The following SMARCC1 variants were observed in gnomAD, a reference collection of about 807,000 sequenced individuals.
SMARCC1 encodes SWI/SNF related BAF chromatin remodeling complex subunit C1, also known as SWI/SNF complex subunit SMARCC1.
SMARCC1 carries 43 observed loss-of-function variants against 147.4 expected under a neutral mutation model. The observed-to-expected ratio is 0.29, with a 90% CI of 0.23 to 0.38. The LOEUF is 0.38. Ranked by LOEUF, SMARCC1 falls within the 10% of genes least tolerant of loss-of-function variation. The pLI is 1.00. For missense variants in SMARCC1, 1,119 were observed against 1,381.1 expected (o/e 0.81, Z 3.01); for synonymous variants, 495 against 484.4 (o/e 1.02, Z -0.29).
chr3:47,740,850 CAAAAAAA>C (rs60339024), intron 3 of SMARCC1, among the ~76,000 whole-genome samples: 6,331 of 77,842 alleles, frequency 0.081, 443 homozygotes, highest in African/African-American at 0.24. Flanking sequence ...GACTCTGACT[CAAAAAAA>C]AAAAAAAAAA....
In SMARCC1 at chr3:47,768,766, AAC is replaced by A. The variant is rs936813042; in HGVS notation, c.315+4049_315+4050del. ...CAAATTTTTCACACATAAAATACATAACACACACACATCCCACAGAAAATGAT... is the reference window on the plus strand; with the variant it reads ...CAAATTTTTCACACATAAAATACATAACACACACATCCCACAGAAAATGAT... On this transcript the variant is annotated intron_variant, in intron 2 of 27. Coordinates refer to ENST00000254480, the MANE Select transcript of SMARCC1 (RefSeq NM_003074.4). Among the ~76,000 whole-genome samples, 4 of 152,304 alleles carry A rather than the reference AAC, an allele frequency of 2.6e-5. No homozygotes were observed. The East Asian group carries it at 5.8e-4, about 22-fold the overall frequency.
rs1390889216 is a variant in SMARCC1 at position 47,754,361 on chromosome 3, C to T, written c.316-8368G>A. 3.3e-5 allele frequency among the ~76,000 whole-genome samples: 5 copies of T among 152,064 alleles called. No individual in the cohort carries two copies. The East Asian group carries it at 9.6e-4, about 29-fold the overall frequency. On this transcript the variant is annotated intron_variant, in intron 2 of 27. Transcript: ENST00000254480. Reference sequence around the variant, plus strand: ...GGGACTGCAGGCGCGCACCACCACGCCCAGCTAATTTTTGTATTTTTAGTA... The same window carrying T: ...GGGACTGCAGGCGCGCACCACCACGTCCAGCTAATTTTTGTATTTTTAGTA...
intron 2 of SMARCC1, among the ~76,000 whole-genome samples, chr3:47,750,127 G>T (rs922586846): frequency 6.6e-6 from 1 of 151,444 alleles, no homozygotes; most frequent in Non-Finnish European, 1.5e-5. Flanking sequence ...ATTCTGTAGT[G>T]CTGACATCTT....
At chr3:47,780,957 A>C (rs567554579) in intron 1 of SMARCC1, among the ~76,000 whole-genome samples, 1 of 152,368 alleles carries the variant, frequency 6.6e-6, no homozygotes, top group South Asian at 2.1e-4. Flanking sequence ...TGTGGTAAAC[A>C]CTACGAAGAA....
intron 27 of SMARCC1, among the ~76,000 whole-genome samples, chr3:47,589,869 A>AT (rs2032148585): frequency 6.6e-6 from 1 of 152,266 alleles, no homozygotes; most frequent in Admixed American, 6.5e-5. Context: ...TCTCTGAACT[A>AT]TAAATAGTAG....
chr3:47,641,034 C>T (rs898070405), intron 21 of SMARCC1, among the ~76,000 whole-genome samples: 3 of 152,174 alleles, frequency 2.0e-5, no homozygotes, highest in African/African-American at 7.2e-5. Context: ...TTCCTGATCT[C>T]CAGAAGGCTG....
rs1386328377 is a variant in SMARCC1, at chr3:47,781,822, C to T, written c.-25G>A. The T allele has an allele frequency of 7.5e-7, 1 of 1,339,342 alleles. No individual in the cohort carries two copies. The highest frequency in any genetic ancestry group is 9.6e-7 in the Non-Finnish European group (1 of 1,046,194). 83.0% of individuals were successfully genotyped at this position (1,339,342 alleles called of 1,614,324 possible). A position where few individuals can be genotyped will look rare whatever the true frequency, so the allele number is the denominator to read the frequency against. On this transcript the variant is annotated 5_prime_UTR_variant, in exon 1 of 28. Coordinates refer to ENST00000254480, the MANE Select transcript of SMARCC1 (RefSeq NM_003074.4). ...TCGTCGCAGCCCGTCGTCCCCACAG[C>T]CTGGCCCACCCCGGCCCTCGCGGTG...
At chr3:47,771,729 A>C (rs1291952216) in intron 2 of SMARCC1, among the ~76,000 whole-genome samples, 5 of 151,434 alleles carry the variant, frequency 3.3e-5, no homozygotes, top group Non-Finnish European at 7.4e-5. Flanking sequence ...GGGCGACAGA[A>C]CAAGACTGTA....
At chr3:47,769,386 G>A (rs2034881101) in intron 2 of SMARCC1, among the ~76,000 whole-genome samples, 1 of 151,644 alleles carries the variant, frequency 6.6e-6, no homozygotes, top group Non-Finnish European at 1.5e-5. Flanking sequence ...CGCAGTGGCA[G>A]GTGCCTGTAA....
At chr3:47,751,646 C>T (rs2034630793) in intron 2 of SMARCC1, among the ~76,000 whole-genome samples, 1 of 151,992 alleles carries the variant, frequency 6.6e-6, no homozygotes, top group Non-Finnish European at 1.5e-5. Context: ...GTAGGAAGAC[C>T]TCTTGAGCCC....
At chr3:47,714,609 A>G (rs1273680917) in intron 7 of SMARCC1, 119 bp from the exon 8 acceptor site, 3 of 610,380 alleles carry the variant, frequency 4.9e-6, no homozygotes, top group African/African-American at 1.9e-5. Flanking sequence ...CCTGGTCAAC[A>G]TGGTGAAACT....
At chr3:47,661,062 G>A (rs1281091644) in intron 21 of SMARCC1, among the ~76,000 whole-genome samples, 2 of 151,828 alleles carry the variant, frequency 1.3e-5, no homozygotes, top group Non-Finnish European at 2.9e-5. Context: ...TCTACAAACA[G>A]CAACCAGATA....
Position 47,662,502 on chromosome 3 carries a change from G to A in SMARCC1, c.1990C>T (p.Leu664Phe), listed in dbSNP as rs768736087. The change falls in exon 20 of 28, where the codon CTT (leucine) becomes TTT (phenylalanine). Residue 664 changes from leucine to phenylalanine, a missense_variant. By Grantham distance (22) the Leu-to-Phe change is conservative (BLOSUM62 0). Transcript: ENST00000254480. ...TCAAGGTATGGGTCCTCAATGGGAA[G>A]TCTCAAAAAGTGGAGGATGCATTCA... ...QDECILHFLRLPIEDPYLENS... is the reference protein window; with the variant it reads ...QDECILHFLRFPIEDPYLENS... 6.2e-7 allele frequency: 1 copy of A among 1,614,060 alleles called. No homozygotes were observed. The highest frequency in any genetic ancestry group is 8.5e-7 in the Non-Finnish European group (1 of 1,179,912).
At chr3:47,658,512 T>C (rs1481479437) in intron 21 of SMARCC1, among the ~76,000 whole-genome samples, 1 of 152,248 alleles carries the variant, frequency 6.6e-6, no homozygotes, top group East Asian at 1.9e-4. Flanking sequence ...TTCTTATAAA[T>C]GCAATCATAT....
chr3:47,710,722 A>G lies in SMARCC1; in HGVS notation c.879T>C (p.Pro293=), dbSNP rs763561607. 8.1e-6 allele frequency: 13 copies of G among 1,613,610 alleles called. No individual in the cohort carries two copies. The African/African-American group carries it at 1.2e-4, about 15-fold the overall frequency. ...TTGAAATCCGCTGACGAAAACTCAC[A>G]GGCTTCCTATTTTCATCCACCTCAT... The part of the protein sequence containing the change: ...EDYEVDENRK[P]VSFRQRISTK... Residue 293 remains proline, a synonymous_variant, in exon 9 of 28, where the codon CCT becomes CCC. Transcript: ENST00000254480.
At chr3:47,626,788 T>C (rs958860693) in intron 24 of SMARCC1, among the ~76,000 whole-genome samples, 1 of 152,156 alleles carries the variant, frequency 6.6e-6, no homozygotes, top group African/African-American at 2.4e-5. Flanking sequence ...AACTTTCATG[T>C]CCTGTTTCTT....
chr3:47,735,129 A>C (rs2034426166), intron 5 of SMARCC1, among the ~76,000 whole-genome samples: 1 of 152,126 alleles, frequency 6.6e-6, no homozygotes, highest in South Asian at 2.1e-4. Flanking sequence ...GGATTACTTG[A>C]AAGTAATACT....
chr3:47,602,889 C>T (rs2032411382), intron 26 of SMARCC1, among the ~76,000 whole-genome samples: 1 of 152,140 alleles, frequency 6.6e-6, no homozygotes, highest in African/African-American at 2.4e-5. Flanking sequence ...GTGGCTCAAT[C>T]CTATAGTCCC....
chr3:47,721,574 C>A (rs577744417), intron 6 of SMARCC1, among the ~76,000 whole-genome samples: 4 of 152,248 alleles, frequency 2.6e-5, no homozygotes, highest in Admixed American at 2.6e-4. Context: ...ACAAACAGAT[C>A]TAAGTAAATT....
Sources: gnomAD v4.1 joint callset for allele counts (sites outside exome capture counted in the v4.1 genomes callset) on GRCh38, gnomAD v4.1.1 for gene constraint, MANE v1.5 for transcripts, NCBI Gene and HGNC (gene_info 2026-07-23, HGNC 2026-07-21) for gene names.